DMRT3: variants seen among roughly 807,000 people sequenced by gnomAD.
DMRT3 encodes doublesex- and mab-3-related transcription factor 3.
DMRT3 carries 29 observed loss-of-function variants against 34.9 expected under a neutral mutation model. That is an observed-to-expected ratio of 0.83 (90% CI 0.62 to 1.13). DMRT3 has a LOEUF of 1.13. Ranked by LOEUF, DMRT3 falls within the 50% of genes most tolerant of loss-of-function variation. The pLI is 0.00. For synonymous variants in DMRT3, 350 were observed against 286.0 expected (o/e 1.22, Z -2.26); for missense variants, 772 against 629.1 (o/e 1.23, Z -2.43).
At chr9:979,414 A>C (rs572932819) in intron 1 of DMRT3, among the ~76,000 whole-genome samples, 9 of 152,278 alleles carry the variant, frequency 5.9e-5, no homozygotes, top group African/African-American at 2.2e-4. Flanking sequence ...TCCGAATTGA[A>C]AACAAGTAAT....
chr9:986,855 C>T (rs531833491), intron 1 of DMRT3, among the ~76,000 whole-genome samples: 21 of 148,336 alleles, frequency 1.4e-4, no homozygotes, highest in Non-Finnish European at 2.7e-4. Flanking sequence ...CATGCCACTG[C>T]ACTCCAGCCT....
At chr9:983,026 G>T (rs1020392832) in intron 1 of DMRT3, among the ~76,000 whole-genome samples, 2 of 152,172 alleles carry the variant, frequency 1.3e-5, no homozygotes, top group African/African-American at 4.8e-5. Context: ...CCTTGTGATT[G>T]TGTCAGTTAC....
At chr9:980,170 A>G (rs1285247805) in intron 1 of DMRT3, among the ~76,000 whole-genome samples, 1 of 152,236 alleles carries the variant, frequency 6.6e-6, no homozygotes, top group Non-Finnish European at 1.5e-5. Context: ...CTTAAGGAAG[A>G]GTATGTTTGC....
Position 991,028 on chromosome 9 carries a change from C to T in DMRT3, c.*23C>T, listed in dbSNP as rs1343396137. 1 of 1,584,636 alleles carries T rather than the reference C, an allele frequency of 6.3e-7. No individual in the cohort carries two copies. The highest frequency in any genetic ancestry group is 1.1e-5 in the South Asian group (1 of 86,988). On this transcript the variant is annotated 3_prime_UTR_variant, in exon 2 of 2. Transcript: ENST00000190165. ...TAAAGTGGTGCTGGATGGGTGGTGG[C>T]CAGGTGACATTTTCTGTGCGTTTTG...
In DMRT3 at chr9:990,815, CT is replaced by C. The variant is rs1357400959; in HGVS notation, c.1232del (p.Phe411SerfsTer79). The C allele has an allele frequency of 6.2e-7, 1 of 1,614,058 alleles. No homozygotes were observed. Among genetic ancestry groups the C allele is most frequent in the Non-Finnish European group, 8.5e-7 (1 of 1,180,040 alleles). ...CAGCTGAGGTCCCAGTATGTCAGTC[CT>C]TTCCCCAGTAACTCTACCAGCGTCT... The part of the protein sequence containing the change: ...QYQLRSQYVS[P>X]FPSNSTSVFR... On this transcript the variant is annotated frameshift_variant, in exon 2 of 2. Transcript: ENST00000190165. LOFTEE classifies it high-confidence loss of function.
chr9:980,100 C>A (rs1476733764), intron 1 of DMRT3, among the ~76,000 whole-genome samples: 5 of 150,654 alleles, frequency 3.3e-5, no homozygotes, highest in Admixed American at 6.6e-5. Context: ...ATTTTTTTTT[C>A]TTGTAAACAG....
rs898301613 is a variant in DMRT3 at position 990,650 on chromosome 9, C to G, written c.1064C>G (p.Ala355Gly). 9 of 1,614,030 alleles carry G rather than the reference C, an allele frequency of 5.6e-6. No individual in the cohort carries two copies. The African/African-American group carries it at 9.3e-5, about 17-fold the overall frequency. ...AGCAACGTTGTCCCCAGTCCCTTGG[C>G]TGGGCCTCTGCAGCCCCCTTTCCCC... ...DSSNVVPSPLAGPLQPPFPQP... is the reference protein window; with the variant it reads ...DSSNVVPSPLGGPLQPPFPQP... The change falls in exon 2 of 2, where the codon GCT (alanine) becomes GGT (glycine). Residue 355 changes from alanine (A) to glycine (G), a missense_variant. Physicochemically the swap from Ala to Gly is moderately conservative, Grantham distance 60. Coordinates refer to ENST00000190165, the MANE Select transcript of DMRT3 (RefSeq NM_021240.4).
chr9:982,608 C>T lies in DMRT3; in HGVS notation c.454+5153C>T, dbSNP rs78468923. ...TTGTTTGCAAAATACAATCAAAGAG[C>T]ATTGATGAGAAATTCTTTGCTGCAG... On this transcript the variant is annotated intron_variant, in intron 1 of 1. Coordinates refer to ENST00000190165, the MANE Select transcript of DMRT3 (RefSeq NM_021240.4). 1.9e-3 allele frequency among the ~76,000 whole-genome samples: 295 copies of T among 152,300 alleles called. 2 individuals carry two copies. The highest frequency in any genetic ancestry group is 6.5e-3 in the African/African-American group (272 of 41,576).
At chr9:985,167 T>G (rs541474934) in intron 1 of DMRT3, among the ~76,000 whole-genome samples, 165 of 152,302 alleles carry the variant, frequency 1.1e-3, no homozygotes, top group African/African-American at 3.6e-3. Context: ...GAGAGAATAT[T>G]AAGATTTTAA....
At position 991,237 on chromosome 9, in the gene DMRT3, G is replaced by A. The variant is rs973360953; in HGVS notation, c.*232G>A. 4 of 485,398 alleles carry A rather than the reference G, an allele frequency of 8.2e-6. No homozygotes were observed. The highest frequency in any genetic ancestry group is 3.8e-5 in the Admixed American group (1 of 26,094). 30.1% of individuals were successfully genotyped at this position (485,398 alleles called of 1,614,324 possible). A position where few individuals can be genotyped will look rare whatever the true frequency, so the allele number is the denominator to read the frequency against. On this transcript the variant is annotated 3_prime_UTR_variant, in exon 2 of 2. Transcript: ENST00000190165. Reference sequence around the variant, plus strand: ...TTAGTGCTGAATGTTTATTGTAAAAGAGAGTCTAATGTTAAGAATAGTCTT... The same window carrying A: ...TTAGTGCTGAATGTTTATTGTAAAAAAGAGTCTAATGTTAAGAATAGTCTT...
chr9:987,577 C>A (rs563947413), intron 1 of DMRT3, among the ~76,000 whole-genome samples: 4 of 152,218 alleles, frequency 2.6e-5, no homozygotes, highest in African/African-American at 9.6e-5. Context: ...TGAGGCTTAG[C>A]AAATGCTGCC....
In DMRT3 at chr9:977,356, C is replaced by A; in HGVS notation, c.355C>A (p.Gln119Lys). 1 of 1,237,724 alleles carries A rather than the reference C, an allele frequency of 8.1e-7. No individual in the cohort carries two copies. Among genetic ancestry groups the A allele is most frequent in the Non-Finnish European group, 1.0e-6 (1 of 993,836 alleles). 76.7% of individuals were successfully genotyped at this position (1,237,724 alleles called of 1,614,324 possible). Residue 119 changes from glutamine (Q) to lysine (K), a missense_variant, in exon 1 of 2, where the codon CAG (glutamine) becomes AAG (lysine). Physicochemically the swap from Gln to Lys is moderately conservative, Grantham distance 53 (BLOSUM62 1). Transcript: ENST00000190165. The part of the protein sequence containing the change: ...PPPASQPSQP[Q>K]PPRPAAELAA... Reference sequence around the variant, plus strand: ...GCCAGCCTCTCAGCCGTCGCAGCCGCAGCCGCCGCGCCCTGCTGCCGAGTT... The same window carrying A: ...GCCAGCCTCTCAGCCGTCGCAGCCGAAGCCGCCGCGCCCTGCTGCCGAGTT...
At chr9:989,596 A>G (rs947238786) in intron 1 of DMRT3, among the ~76,000 whole-genome samples, 2 of 152,202 alleles carry the variant, frequency 1.3e-5, no homozygotes, top group African/African-American at 4.8e-5. Context: ...GGGTATCTGG[A>G]TGGTACTATC....
chr9:989,597 T>C (rs1820327487), intron 1 of DMRT3, among the ~76,000 whole-genome samples: 1 of 152,206 alleles, frequency 6.6e-6, no homozygotes. Context: ...GGTATCTGGA[T>C]GGTACTATCC....
At position 990,972 on chromosome 9, in the gene DMRT3, C is replaced by T. The variant is rs761981618; in HGVS notation, c.1386C>T (p.Ser462=). 1.2e-6 allele frequency: 2 copies of T among 1,613,972 alleles called. No homozygotes were observed. Among genetic ancestry groups the T allele is most frequent in the South Asian group, 1.1e-5 (1 of 91,068 alleles). Reference sequence around the variant, plus strand: ...ACGACTATGACGAGAGGTCTGACTCCTCAGACTCTAGAACACTCAACACAT... The same window carrying T: ...ACGACTATGACGAGAGGTCTGACTCTTCAGACTCTAGAACACTCAACACAT... ...TEDDYDERSD[S]SDSRTLNTSS Residue 462 remains serine (S), a synonymous_variant, in exon 2 of 2, where the codon TCC becomes TCT. Coordinates refer to ENST00000190165, the MANE Select transcript of DMRT3 (RefSeq NM_021240.4).
chr9:988,171 C>G (rs1056301150), intron 1 of DMRT3, among the ~76,000 whole-genome samples: 5 of 152,090 alleles, frequency 3.3e-5, no homozygotes, highest in Admixed American at 2.0e-4. Context: ...TAGAGTCTTT[C>G]TATAGAGTCA....
chr9:981,754 G>T (rs1281495764), intron 1 of DMRT3, among the ~76,000 whole-genome samples: 4 of 152,190 alleles, frequency 2.6e-5, no homozygotes, highest in Non-Finnish European at 5.9e-5. Flanking sequence ...CCTTGCGGCC[G>T]CAATGGACTG....
chr9:990,752 T>C lies in DMRT3; in HGVS notation c.1166T>C (p.Val389Ala). ...TCGAGCCCCTTTTTGCCCAATGATG[T>C]CACCCTGTGGAACACCATGACGCTG... ...SQSSPFLPND[V>A]TLWNTMTLQQ... The change falls in exon 2 of 2, where the codon GTC (valine) becomes GCC (alanine). Residue 389 changes from valine (V) to alanine (A), a missense_variant. By Grantham distance (64) the Val-to-Ala change is moderately conservative (BLOSUM62 0). Coordinates refer to ENST00000190165, the MANE Select transcript of DMRT3 (RefSeq NM_021240.4). 1 of 1,614,146 alleles carries C rather than the reference T, an allele frequency of 6.2e-7. No homozygotes were observed. The highest frequency in any genetic ancestry group is 8.5e-7 in the Non-Finnish European group (1 of 1,180,030).
chr9:990,045 G>T lies in DMRT3; in HGVS notation c.459G>T (p.Leu153Phe). Residue 153 changes from leucine to phenylalanine, a missense_variant, in exon 2 of 2, where the codon TTG becomes TTT. Coordinates refer to ENST00000190165, the MANE Select transcript of DMRT3 (RefSeq NM_021240.4). ...ALQAQLAKPD[L>F]TEERLGDGKS... ...CTCAGCTGTTCTGTTTTCCAGATTT[G>T]ACTGAAGAACGACTTGGAGACGGCA... 6.2e-7 allele frequency: 1 copy of T among 1,613,630 alleles called. No homozygotes were observed. Among genetic ancestry groups the T allele is most frequent in the South Asian group, 1.1e-5 (1 of 90,884 alleles).
Sources: gnomAD v4.1 joint callset for allele counts (sites outside exome capture counted in the v4.1 genomes callset) on GRCh38, gnomAD v4.1.1 for gene constraint, MANE v1.5 for transcripts, NCBI Gene and HGNC (gene_info 2026-07-23, HGNC 2026-07-21) for gene names.